The following AIM2 variants were observed in gnomAD, a reference collection of about 807,000 sequenced individuals.
AIM2 encodes absent in melanoma 2, also known as interferon-inducible protein AIM2.
AIM2 carries 30 observed loss-of-function variants against 27.7 expected under a neutral mutation model. That is an observed-to-expected ratio of 1.08 (90% CI 0.81 to 1.47). The LOEUF is 1.47. Ranked by LOEUF, AIM2 falls within the 40% of genes most tolerant of loss-of-function variation. The pLI is 0.00. For synonymous variants in AIM2, 141 were observed against 145.3 expected (o/e 0.97, Z 0.21); for missense variants, 358 against 411.3 (o/e 0.87, Z 1.12).
intron 1 of AIM2, among the ~76,000 whole-genome samples, chr1:159,134,033 C>T (rs551884382): frequency 3.3e-5 from 5 of 152,298 alleles, no homozygotes; most frequent in Non-Finnish European, 5.9e-5. Flanking sequence ...TTTTCTCCCC[C>T]AAACTTGGCC....
At chr1:159,146,477 A>C (rs1648209951) in intron 1 of AIM2, among the ~76,000 whole-genome samples, 2 of 152,038 alleles carry the variant, frequency 1.3e-5, no homozygotes. Context: ...TATAACCCTT[A>C]GTCATTTCCT....
chr1:159,139,406 C>T (rs1484945150), intron 1 of AIM2, among the ~76,000 whole-genome samples: 2 of 152,198 alleles, frequency 1.3e-5, no homozygotes, highest in African/African-American at 4.8e-5. Flanking sequence ...GGTACCCTCC[C>T]CGTATGCTTA....
rs1461921000 is a variant in AIM2, at chr1:159,066,130, T to C, written c.596A>G (p.Asp199Gly). The C allele has an allele frequency of 1.2e-6, 2 of 1,614,232 alleles. No individual in the cohort carries two copies. The highest frequency in any genetic ancestry group is 2.2e-5 in the East Asian group (1 of 44,884). Reference protein sequence around the residue: ...FVKVFNTLLKDKFIPKRIIII... With the variant: ...FVKVFNTLLKGKFIPKRIIII... The stretch of plus-strand genomic sequence containing the variant: ...AATTATTCTCTTTGGAATGAATTTA[T>C]CTTTCAGCAGTGTATTAAAAACTTT... Residue 199 changes from aspartate to glycine, a missense_variant, in exon 4 of 6, where the codon GAT becomes GGT. Transcript: ENST00000368130.
At chr1:159,087,573 C>CTTTT (rs55908329) in intron 1 of AIM2, among the ~76,000 whole-genome samples, 2 of 116,816 alleles carry the variant, frequency 1.7e-5, no homozygotes, top group African/African-American at 2.8e-5. Context: ...TGGATAAAGT[C>CTTTT]TTTTTTTTTT....
chr1:159,093,116 A>C (rs577301182), intron 1 of AIM2, among the ~76,000 whole-genome samples: 1 of 152,244 alleles, frequency 6.6e-6, no homozygotes, highest in East Asian at 1.9e-4. Flanking sequence ...TCTTAACCCC[A>C]TACCATTCTG....
At chr1:159,057,351 T>C in the AIM2 span, among the ~76,000 whole-genome samples, 51 of 152,304 alleles carry the variant, frequency 3.3e-4, no homozygotes. Flanking sequence ...AGCTGTGGAA[T>C]TGAGTCCTCC....
At chr1:159,059,925 A>G (rs1276911120), downstream of AIM2, among the ~76,000 whole-genome samples, 3 of 152,168 alleles carry the variant, frequency 2.0e-5, no homozygotes, top group Non-Finnish European at 4.4e-5. Context: ...TGGGACTCAA[A>G]TCAAGCAGAT....
At chr1:159,143,580 GTACACACACACA>G (rs2102061599), upstream of AIM2, among the ~76,000 whole-genome samples, 1 of 94,026 alleles carries the variant, frequency 1.1e-5, no homozygotes, top group East Asian at 2.8e-4. Flanking sequence ...GGCTCAGTGT[GTACACACACACA>G]CACACACACA....
At chr1:159,125,984 A>G (rs930538314) in intron 1 of AIM2, among the ~76,000 whole-genome samples, 4 of 152,212 alleles carry the variant, frequency 2.6e-5, no homozygotes, top group African/African-American at 9.6e-5. Flanking sequence ...TTCTAGGGCC[A>G]GGAATTCTGA....
downstream of AIM2, among the ~76,000 whole-genome samples, chr1:159,057,490 G>A (rs879487288): frequency 5.3e-5 from 8 of 152,220 alleles, no homozygotes; most frequent in Admixed American, 5.2e-4. Flanking sequence ...CTTTCCCAAA[G>A]AGGAAACCTT....
chr1:159,134,757 G>A (rs888160735), intron 1 of AIM2, among the ~76,000 whole-genome samples: 41 of 152,136 alleles, frequency 2.7e-4, no homozygotes, highest in African/African-American at 7.7e-4. Context: ...ACTTGAGCCC[G>A]AGAGGCGGAG....
upstream of AIM2, among the ~76,000 whole-genome samples, chr1:159,143,998 C>T (rs1191928033): frequency 6.6e-6 from 1 of 152,154 alleles, no homozygotes; most frequent in Non-Finnish European, 1.5e-5. Context: ...GCAGAAAGAT[C>T]CATCTTCATA....
intron 1 of AIM2, among the ~76,000 whole-genome samples, chr1:159,146,107 C>CA (rs200424411): frequency 0.025 from 2,224 of 88,670 alleles, 17 homozygotes; most frequent in African/African-American, 0.026. Flanking sequence ...ACTGTCCCCT[C>CA]AAAAAAAAAA....
At chr1:159,118,568 C>T (rs1470251798) in intron 1 of AIM2, among the ~76,000 whole-genome samples, 1 of 152,052 alleles carries the variant, frequency 6.6e-6, no homozygotes, top group Admixed American at 6.6e-5. Flanking sequence ...GGTACTTCAC[C>T]CATTATAAAG....
At chr1:159,066,600 C>T (rs1656112555) in intron 3 of AIM2, among the ~76,000 whole-genome samples, 1 of 152,162 alleles carries the variant, frequency 6.6e-6, no homozygotes, top group African/African-American at 2.4e-5. Context: ...CTTGCTTTGC[C>T]ATGTACTATA....
chr1:159,112,346 T>G (rs574776489), intron 1 of AIM2, among the ~76,000 whole-genome samples: 2 of 152,210 alleles, frequency 1.3e-5, no homozygotes, highest in African/African-American at 4.8e-5. Context: ...AGCATTTCTA[T>G]GCAATGATTA....
intron 1 of AIM2, among the ~76,000 whole-genome samples, chr1:159,111,173 A>G (rs1657565022): frequency 6.6e-6 from 1 of 152,196 alleles, no homozygotes; most frequent in Non-Finnish European, 1.5e-5. Context: ...GGGTAAAGAA[A>G]TCTTCTCTTT....
At chr1:159,074,756 C>T (rs974879798) in intron 1 of AIM2, among the ~76,000 whole-genome samples, 2 of 151,812 alleles carry the variant, frequency 1.3e-5, no homozygotes, top group Non-Finnish European at 2.9e-5. Flanking sequence ...TACATAAGAA[C>T]ATCGAATACA....
intron 1 of AIM2, among the ~76,000 whole-genome samples, chr1:159,086,055 G>A (rs1656906215): frequency 6.6e-6 from 1 of 152,264 alleles, no homozygotes; most frequent in South Asian, 2.1e-4. Flanking sequence ...AGCTGGTGGT[G>A]GAGTGTGAGG....
Sources: gnomAD v4.1 joint callset for allele counts (sites outside exome capture counted in the v4.1 genomes callset) on GRCh38, gnomAD v4.1.1 for gene constraint, MANE v1.5 for transcripts, NCBI Gene and HGNC (gene_info 2026-07-23, HGNC 2026-07-21) for gene names.